Variants in KAT7 observed in about 807,000 individuals in gnomAD.
KAT7 encodes histone acetyltransferase KAT7.
In KAT7, 10 loss-of-function variants were observed where a neutral mutation model predicts 82.1. The observed-to-expected ratio is 0.12, with a 90% CI of 0.08 to 0.21. The LOEUF (loss-of-function observed/expected upper bound fraction) is 0.21, where lower values mean the gene tolerates loss of function less well. Among genes scored for constraint, KAT7 ranks in the 10% least tolerant of loss-of-function variants. The pLI is 1.00. For synonymous variants in KAT7, 250 were observed against 262.5 expected (o/e 0.95, Z 0.46); for missense variants, 378 against 760.9 (o/e 0.50, Z 5.92).
At chr17:49,789,067 A>C in intron 1 of KAT7, 1 of 414,880 alleles carries the variant, frequency 2.4e-6, no homozygotes, top group Non-Finnish European at 4.4e-6. Context: ...GCTTGCCTGG[A>C]TCGGAGGCGT....
chr17:49,833,452 C>T lies in KAT7; in HGVS notation c.*5950C>T, dbSNP rs1436634760. 1.3e-5 allele frequency: 2 copies of T among 152,196 alleles called. No homozygotes were observed. The highest frequency in any genetic ancestry group is 3.8e-4 in the East Asian group (2 of 5,196). The allele number at this position is 152,196 out of a possible 1,614,324, so 9.4% of individuals were successfully genotyped here. On this transcript the variant is annotated 3_prime_UTR_variant, in exon 15 of 15. Coordinates refer to ENST00000259021, the MANE Select transcript of KAT7 (RefSeq NM_007067.5). ...CCAACAGTTGCTCTCATCCTCTGTG[C>T]ACGTGCTATTTCCAATAAGGTCTAT...
chr17:49,818,395 A>C (rs1227204697), intron 9 of KAT7, among the ~76,000 whole-genome samples: 3 of 152,212 alleles, frequency 2.0e-5, no homozygotes, highest in Non-Finnish European at 1.5e-5. Flanking sequence ...GCTCACCTTC[A>C]TATCCCTAGC....
At chr17:49,817,646 TA>T (rs1167997522) in intron 8 of KAT7, among the ~76,000 whole-genome samples, 173 bp from the exon 9 acceptor site, 2 of 152,114 alleles carry the variant, frequency 1.3e-5, no homozygotes, top group African/African-American at 4.8e-5. Context: ...GTTGTATTTT[TA>T]GTAGAGATGG....
At chr17:49,799,966 A>G (rs1326317741) in intron 4 of KAT7, among the ~76,000 whole-genome samples, 1 of 146,308 alleles carries the variant, frequency 6.8e-6, no homozygotes, top group Non-Finnish European at 1.5e-5. Flanking sequence ...CACCATGCCC[A>G]GTGGTTTTCT....
chr17:49,806,164 ATTG>A (rs1395493557), intron 5 of KAT7, among the ~76,000 whole-genome samples: 1 of 152,156 alleles, frequency 6.6e-6, no homozygotes, highest in Non-Finnish European at 1.5e-5. Context: ...CCAAAGTATT[ATTG>A]TTGTTTTTGT....
In KAT7 at chr17:49,798,485, C is replaced by T. The variant is rs1319782195; in HGVS notation, c.507C>T (p.Arg169=). The part of the protein sequence containing the change: ...LKDSGSDLSH[R]PKRRRFHESY... The stretch of plus-strand genomic sequence containing the variant: ...ACTCAGGCAGTGATCTCTCTCATCG[C>T]CCCAAGCGCCGTCGCTTCCATGAAA... Residue 169 remains arginine (R), a synonymous_variant, in exon 4 of 15, where the codon CGC becomes CGT. Transcript: ENST00000259021. 6.2e-7 allele frequency: 1 copy of T among 1,613,984 alleles called. No homozygotes were observed. Among genetic ancestry groups the T allele is most frequent in the Non-Finnish European group, 8.5e-7 (1 of 1,179,972 alleles).
intron 8 of KAT7, among the ~76,000 whole-genome samples, chr17:49,816,680 G>A (rs1462368626): frequency 2.0e-5 from 3 of 152,150 alleles, no homozygotes; most frequent in Admixed American, 1.3e-4. Flanking sequence ...GGCTGTTACT[G>A]CTGCTGGTTT....
chr17:49,796,555 G>T (rs1019847318), intron 2 of KAT7, among the ~76,000 whole-genome samples, 195 bp from the exon 3 acceptor site: 1 of 152,110 alleles, frequency 6.6e-6, no homozygotes, highest in Non-Finnish European at 1.5e-5. Context: ...TATTAATGCT[G>T]TACTACATTA....
chr17:49,821,852 T>G, intron 11 of KAT7, 62 bp downstream of exon 11: 1 of 1,505,594 alleles, frequency 6.6e-7, no homozygotes, highest in Middle Eastern at 1.7e-4. Flanking sequence ...TGTTCGCAGT[T>G]GGGGGCTCAA....
intron 3 of KAT7, among the ~76,000 whole-genome samples, chr17:49,797,912 C>A (rs2073977060): frequency 6.6e-6 from 1 of 152,196 alleles, no homozygotes; most frequent in Admixed American, 6.5e-5. Flanking sequence ...ACTCAAGACT[C>A]TAAGTCCATT....
Position 49,788,796 on chromosome 17 carries a change from G to A in KAT7, c.-39G>A. 1.3e-6 allele frequency: 2 copies of A among 1,571,458 alleles called. No homozygotes were observed. The highest frequency in any genetic ancestry group is 1.7e-6 in the Non-Finnish European group (2 of 1,158,368). ...AGCCACCGTTCCTGCTGCTGCCGCC[G>A]CTGCCCGAATCGGAACCGTCGGGCC... On this transcript the variant is annotated 5_prime_UTR_variant, in exon 1 of 15. Coordinates refer to ENST00000259021, the MANE Select transcript of KAT7 (RefSeq NM_007067.5).
At chr17:49,822,422 T>C (rs2074316474) in intron 11 of KAT7, among the ~76,000 whole-genome samples, 1 of 151,992 alleles carries the variant, frequency 6.6e-6, no homozygotes. Context: ...GTAGAGATGG[T>C]GTTTTACCAT....
intron 3 of KAT7, among the ~76,000 whole-genome samples, chr17:49,797,440 C>T (rs139147963): frequency 1.3e-5 from 2 of 152,096 alleles, no homozygotes; most frequent in East Asian, 1.9e-4. Flanking sequence ...TATATTAAAT[C>T]GTACCTGTAA....
intron 4 of KAT7, among the ~76,000 whole-genome samples, chr17:49,804,845 T>C (rs1405678556): frequency 6.6e-6 from 1 of 152,194 alleles, no homozygotes; most frequent in Non-Finnish European, 1.5e-5. Context: ...AAAATAAGTA[T>C]TTAATCTGGT....
chr17:49,797,025 TC>T (rs765611916), intron 3 of KAT7, 99 bp downstream of exon 3: 6 of 909,966 alleles, frequency 6.6e-6, no homozygotes, highest in Non-Finnish European at 1.0e-5. Flanking sequence ...GCCTAATACT[TC>T]AGCTAGATGA....
Position 49,832,941 on chromosome 17 carries a change from A to T in KAT7, c.*5439A>T, listed in dbSNP as rs2074436152. On this transcript the variant is annotated 3_prime_UTR_variant, in exon 15 of 15. Coordinates refer to ENST00000259021, the MANE Select transcript of KAT7 (RefSeq NM_007067.5). ...ACTTTCTTTCACAAAATTATGTGTGACTGCCTCCTCCAGACTGTTTCCTGC... is the reference window on the plus strand; with the variant it reads ...ACTTTCTTTCACAAAATTATGTGTGTCTGCCTCCTCCAGACTGTTTCCTGC... The T allele has an allele frequency of 6.6e-6, 1 of 152,172 alleles. No individual in the cohort carries two copies. The highest frequency in any genetic ancestry group is 2.4e-5 in the African/African-American group (1 of 41,422). 9.4% of individuals were successfully genotyped at this position (152,172 alleles called of 1,614,324 possible).
intron 4 of KAT7, 147 bp downstream of exon 4, chr17:49,798,705 TA>T (rs988393407): frequency 1.1e-4 from 83 of 726,304 alleles, no homozygotes; most frequent in Admixed American, 2.7e-5. Flanking sequence ...CTCACTTGAA[TA>T]AAAGCATTTA....
intron 2 of KAT7, among the ~76,000 whole-genome samples, chr17:49,794,573 G>A (rs1272428399): frequency 1.3e-5 from 2 of 152,160 alleles, no homozygotes; most frequent in African/African-American, 4.8e-5. Context: ...GGCGTGAGCC[G>A]CCGTGCCCAG....
At chr17:49,821,494 T>G in intron 10 of KAT7, 68 bp downstream of exon 10, 2 of 1,508,050 alleles carry the variant, frequency 1.3e-6, no homozygotes, top group Non-Finnish European at 1.8e-6. Flanking sequence ...AGGCATATGT[T>G]TTTTCTCCAT....
Sources: allele counts gnomAD v4.1 joint callset (sites outside exome capture counted in the v4.1 genomes callset), GRCh38; gene constraint gnomAD v4.1.1; transcripts MANE v1.5; gene names NCBI Gene and HGNC (gene_info 2026-07-23, HGNC 2026-07-21).